Variants in MTREX observed in about 807,000 individuals in gnomAD.
The protein encoded by MTREX is Mtr4 exosome RNA helicase, also known as exosome RNA helicase MTR4.
A neutral mutation model predicts 135.4 loss-of-function variants in MTREX; 76 were observed. That is an observed-to-expected ratio of 0.56 (90% CI 0.47 to 0.68). MTREX has a LOEUF of 0.68. Among genes scored for constraint, MTREX ranks in the 30% least tolerant of loss-of-function variants. The pLI is 0.00. For missense variants in MTREX, 920 were observed against 1,262.1 expected (o/e 0.73, Z 4.11); for synonymous variants, 404 against 401.6 (o/e 1.01, Z -0.07).
chr5:55,390,510 C>T (rs1364758709), intron 19 of MTREX, among the ~76,000 whole-genome samples: 1 of 152,184 alleles, frequency 6.6e-6, no homozygotes, highest in Non-Finnish European at 1.5e-5. Context: ...AGGGCAAGAG[C>T]ACTCCAGCTC....
At chr5:55,354,835 TG>T (rs1298074348) in intron 14 of MTREX, among the ~76,000 whole-genome samples, 4 of 151,950 alleles carry the variant, frequency 2.6e-5, no homozygotes, top group Admixed American at 2.6e-4. Flanking sequence ...TGGTTTGTGG[TG>T]GGGGGAAGGT....
intron 1 of MTREX, among the ~76,000 whole-genome samples, chr5:55,314,413 T>C (rs1478320907): frequency 1.3e-5 from 2 of 152,142 alleles, no homozygotes; most frequent in African/African-American, 4.8e-5. Context: ...GATCATCCAG[T>C]TGGGACCGAA....
intron 16 of MTREX, among the ~76,000 whole-genome samples, chr5:55,372,935 TGTG>T: frequency 6.6e-6 from 1 of 151,268 alleles, no homozygotes; most frequent in African/African-American, 2.4e-5. Context: ...TGTGTGTGTG[TGTG>T]TGTGTTTGTC....
At chr5:55,410,219 G>A (rs1750865118) in intron 22 of MTREX, among the ~76,000 whole-genome samples, 1 of 152,066 alleles carries the variant, frequency 6.6e-6, no homozygotes, top group African/African-American at 2.4e-5. Flanking sequence ...TTTGGCCCTA[G>A]AAAATAAATG....
chr5:55,424,231 C>G (rs999258515), intron 26 of MTREX: 2 of 152,648 alleles, frequency 1.3e-5, no homozygotes, highest in African/African-American at 4.8e-5. Context: ...ACCTCCACAT[C>G]CACCTCCCAG....
At chr5:55,365,085 A>C (rs1750080364) in intron 15 of MTREX, among the ~76,000 whole-genome samples, 1 of 152,198 alleles carries the variant, frequency 6.6e-6, no homozygotes, top group African/African-American at 2.4e-5. Context: ...GAGAATTTAC[A>C]TGGGTGTTTG....
intron 5 of MTREX, among the ~76,000 whole-genome samples, chr5:55,332,225 G>T (rs1246277742): frequency 6.6e-6 from 1 of 152,196 alleles, no homozygotes; most frequent in African/African-American, 2.4e-5. Flanking sequence ...CATTCTAAAA[G>T]TGGATGGATG....
At chr5:55,338,140 C>T (rs1402615635) in intron 5 of MTREX, among the ~76,000 whole-genome samples, 2 of 151,930 alleles carry the variant, frequency 1.3e-5, no homozygotes, top group Non-Finnish European at 2.9e-5. Context: ...TTATATATAC[C>T]TTTACATACA....
intron 19 of MTREX, among the ~76,000 whole-genome samples, chr5:55,390,908 G>A (rs1315031626): frequency 6.6e-6 from 1 of 152,002 alleles, no homozygotes; most frequent in Admixed American, 6.5e-5. Flanking sequence ...ATTTTTTGAG[G>A]GGGTCAACTT....
At chr5:55,362,643 G>A (rs1417966259) in intron 15 of MTREX, among the ~76,000 whole-genome samples, 1 of 152,148 alleles carries the variant, frequency 6.6e-6, no homozygotes, top group African/African-American at 2.4e-5. Context: ...TTTCAGGCAT[G>A]AGCCACCACG....
chr5:55,324,379 C>T, intron 3 of MTREX, 181 bp downstream of exon 3: 1 of 343,406 alleles, frequency 2.9e-6, no homozygotes, highest in Non-Finnish European at 5.2e-6. Flanking sequence ...GATCCTCCCC[C>T]AGCATTTTTC....
intron 1 of MTREX, among the ~76,000 whole-genome samples, chr5:55,309,395 G>A (rs566922445): frequency 6.6e-6 from 1 of 152,262 alleles, no homozygotes; most frequent in African/African-American, 2.4e-5. Context: ...AGGGAAAGAA[G>A]ATAGACAGTG....
In MTREX at chr5:55,362,083, A is replaced by ATTTTTTTTTTTTTTTTT. The variant is rs35074192; in HGVS notation, c.1659+3391_1659+3407dup. Among the ~76,000 whole-genome samples the ATTTTTTTTTTTTTTTTT allele has an allele frequency of 1.2e-3, 135 of 111,156 alleles. 1 individual carries two copies. The highest frequency in any genetic ancestry group is 9.9e-3 in the Middle Eastern group (2 of 202). 72.9% of individuals were successfully genotyped at this position (111,156 alleles called of 152,430 possible). A position where few individuals can be genotyped will look rare whatever the true frequency, so the allele number is the denominator to read the frequency against. ...AGGCATGCACCACCACGTCTGGCTA[A>ATTTTTTTTTTTTTTTTT]TTTTTTTTTTTTTTTTTTTTTTGTA... On this transcript the variant is annotated intron_variant, in intron 15 of 26. Coordinates refer to ENST00000230640, the MANE Select transcript of MTREX (RefSeq NM_015360.5).
intron 19 of MTREX, among the ~76,000 whole-genome samples, chr5:55,392,765 G>A (rs1324709277): frequency 6.6e-6 from 1 of 152,080 alleles, no homozygotes; most frequent in Non-Finnish European, 1.5e-5. Flanking sequence ...TTCCAGAAAT[G>A]TGTGGGAGCT....
At position 55,324,119 on chromosome 5, in the gene MTREX, A is replaced by G; in HGVS notation, c.273-13A>G. ...AATTTGTTTTTGTGTAACTTTAAAC[A>G]ATTCTTTTTAAGTTTGGCAGACCTG... On this transcript the variant is annotated splice_polypyrimidine_tract_variant and intron_variant, in intron 2 of 26. Transcript: ENST00000230640. 2 of 1,599,656 alleles carry G rather than the reference A, an allele frequency of 1.3e-6. No individual in the cohort carries two copies. The highest frequency in any genetic ancestry group is 3.3e-5 in the Admixed American group (2 of 59,728).
At position 55,387,869 on chromosome 5, in the gene MTREX, G is replaced by T; in HGVS notation, c.2053-105G>T. ...AGTATGTATTACACAGTTTGTGTCA[G>T]TCATAATGCTAAATGCTGAGAAAAT... On this transcript the variant is annotated intron_variant, in intron 18 of 26. Transcript: ENST00000230640. 2.7e-6 allele frequency: 3 copies of T among 1,111,376 alleles called. No individual in the cohort carries two copies. The Admixed American group carries it at 7.5e-5, about 28-fold the overall frequency. 68.8% of individuals were successfully genotyped at this position (1,111,376 alleles called of 1,614,324 possible). A position where few individuals can be genotyped will look rare whatever the true frequency, so the allele number is the denominator to read the frequency against.
rs1450225875 is a variant in MTREX at position 55,347,075 on chromosome 5, AT to A, written c.1175del (p.Phe392SerfsTer15). On this transcript the variant is annotated frameshift_variant, in exon 11 of 27. Coordinates refer to ENST00000230640, the MANE Select transcript of MTREX (RefSeq NM_015360.5). LOFTEE classifies it high-confidence loss of function. ...GGAAAGAAATTTCCAACCTGTGATT[AT>A]TTTCAGTTTTAGTAAGAAAGATTGT... is the stretch of plus-strand genomic sequence containing the variant. ...IMERNFQPVIIFSFSKKDCEA... is the reference protein window; with the variant it reads ...IMERNFQPVIXFSFSKKDCEA... 6.2e-7 allele frequency: 1 copy of A among 1,609,924 alleles called. No homozygotes were observed. Among genetic ancestry groups the A allele is most frequent in the Non-Finnish European group, 8.5e-7 (1 of 1,178,496 alleles).
At chr5:55,328,859 T>TTA (rs1315431608) in intron 5 of MTREX, 48 bp downstream of exon 5, 1 of 1,243,692 alleles carries the variant, frequency 8.0e-7, no homozygotes, top group South Asian at 1.3e-5. Context: ...TTTCACTCTT[T>TTA]AAAAGTTTCT....
At chr5:55,385,606 T>C (rs1392558480) in intron 18 of MTREX, among the ~76,000 whole-genome samples, 3 of 152,154 alleles carry the variant, frequency 2.0e-5, no homozygotes, top group South Asian at 4.1e-4. Context: ...TCAAAGACTT[T>C]ACTGAATTTT....
Sources: gnomAD v4.1 joint callset for allele counts (sites outside exome capture counted in the v4.1 genomes callset) on GRCh38, gnomAD v4.1.1 for gene constraint, MANE v1.5 for transcripts, NCBI Gene and HGNC (gene_info 2026-07-23, HGNC 2026-07-21) for gene names.